The following GRM7 variants were observed in gnomAD, a reference collection of about 807,000 sequenced individuals.
The protein encoded by GRM7 is glutamate metabotropic receptor 7.
GRM7 carries 35 observed loss-of-function variants against 84.5 expected under a neutral mutation model. The ratio of observed to expected loss-of-function variants is 0.41; its 90% CI spans 0.32 to 0.55. The LOEUF is 0.55. Among genes scored for constraint, GRM7 ranks in the 20% least tolerant of loss-of-function variants. The pLI is 0.19. For missense variants in GRM7, 1,003 were observed against 1,194.6 expected (o/e 0.84, Z 2.36); for synonymous variants, 487 against 455.1 (o/e 1.07, Z -0.89).
intron 7 of GRM7, among the ~76,000 whole-genome samples, chr3:7,478,057 A>G (rs550789581): frequency 1.1e-4 from 16 of 152,212 alleles, no homozygotes; most frequent in Non-Finnish European, 2.1e-4. Context: ...AAAAGCTCCA[A>G]TAATGACCCT....
intron 2 of GRM7, among the ~76,000 whole-genome samples, chr3:7,297,653 G>C (rs917842822): frequency 1.6e-4 from 25 of 152,144 alleles, no homozygotes; most frequent in African/African-American, 5.6e-4. Context: ...GTTTGTGGAA[G>C]TCTAGAAGCT....
At chr3:7,110,619 A>ACACACAC (rs2125033266) in intron 1 of GRM7, among the ~76,000 whole-genome samples, 1 of 151,218 alleles carries the variant, frequency 6.6e-6, no homozygotes, top group Admixed American at 6.6e-5. Context: ...ACACGCACAC[A>ACACACAC]ATTATATATA....
intron 1 of GRM7, among the ~76,000 whole-genome samples, chr3:7,041,136 C>T (rs1291418328): frequency 1.2e-4 from 18 of 151,478 alleles, no homozygotes; most frequent in Non-Finnish European, 2.9e-5. Context: ...TTTTCAACCA[C>T]CTTTATCAAG....
chr3:6,875,035 A>G (rs2124949797), intron 1 of GRM7, among the ~76,000 whole-genome samples: 1 of 152,318 alleles, frequency 6.6e-6, no homozygotes, highest in African/African-American at 2.4e-5. Context: ...ATTATCCTCT[A>G]TAGCATCTAA....
rs180687376 is a variant in GRM7 at position 7,346,409 on chromosome 3, C to T, written c.1033+39757C>T. Among the ~76,000 whole-genome samples, 192 of 152,244 alleles carry T rather than the reference C, an allele frequency of 1.3e-3. 1 individual carries two copies. The highest frequency in any genetic ancestry group is 6.8e-3 in the Middle Eastern group (2 of 294). ...CTTACAAAGCTGATGGCATGAATTT[C>T]TTCTTCAGAGTTAACCTAGTTACTG... On this transcript the variant is annotated intron_variant, in intron 4 of 9. Coordinates refer to ENST00000357716, the MANE Select transcript of GRM7 (RefSeq NM_000844.4).
At chr3:7,084,258 C>T (rs1402633160) in intron 1 of GRM7, among the ~76,000 whole-genome samples, 1 of 152,048 alleles carries the variant, frequency 6.6e-6, no homozygotes, top group Non-Finnish European at 1.5e-5. Context: ...GATGGCATTT[C>T]TCAAGCATGG....
At chr3:6,979,992 G>C (rs1358986206) in intron 1 of GRM7, among the ~76,000 whole-genome samples, 1 of 151,970 alleles carries the variant, frequency 6.6e-6, no homozygotes, top group Admixed American at 6.6e-5. Flanking sequence ...GCTAATTCTT[G>C]TTGAAAAATC....
Position 6,890,346 on chromosome 3 carries a change from C to A in GRM7, c.519+28439C>A, listed in dbSNP as rs568549826. ...GTTAGGGTGTCAATTTTGGATCTTTCGTGCTTTCTCTTGAGGGCATTTAAT... is the reference window on the plus strand; with the variant it reads ...GTTAGGGTGTCAATTTTGGATCTTTAGTGCTTTCTCTTGAGGGCATTTAAT... On this transcript the variant is annotated intron_variant, in intron 1 of 9. Transcript: ENST00000357716. Among the ~76,000 whole-genome samples the A allele has an allele frequency of 2.0e-5, 3 of 152,186 alleles. No homozygotes were observed. The South Asian group carries it at 6.2e-4, about 32-fold the overall frequency.
At chr3:7,063,433 A>G (rs1244092362) in intron 1 of GRM7, among the ~76,000 whole-genome samples, 1 of 151,748 alleles carries the variant, frequency 6.6e-6, no homozygotes, top group Non-Finnish European at 1.5e-5. Context: ...TAAGCTGGAC[A>G]TGCAGAAACA....
chr3:7,121,380 TC>T (rs869135531), intron 1 of GRM7, among the ~76,000 whole-genome samples: 1 of 140,438 alleles, frequency 7.1e-6, no homozygotes, highest in Non-Finnish European at 1.5e-5. Context: ...CATCCATCCA[TC>T]CCCTCTATTC....
At chr3:7,604,128 T>A (rs1255557629) in intron 8 of GRM7, among the ~76,000 whole-genome samples, 1 of 114,360 alleles carries the variant, frequency 8.7e-6, no homozygotes, top group Non-Finnish European at 2.0e-5. Context: ...TTAGAAGGGT[T>A]TGTTCTTAAA....
chr3:7,580,342 G>C (rs941286634), intron 8 of GRM7, among the ~76,000 whole-genome samples: 5 of 152,200 alleles, frequency 3.3e-5, no homozygotes, highest in African/African-American at 1.2e-4. Flanking sequence ...GGGATAGCTT[G>C]ATTAGATGTG....
At chr3:7,666,534 C>T (rs1047725043) in intron 8 of GRM7, among the ~76,000 whole-genome samples, 1 of 152,148 alleles carries the variant, frequency 6.6e-6, no homozygotes, top group African/African-American at 2.4e-5. Context: ...TGTGGCGAAA[C>T]CAGTTGAGAT....
At chr3:7,111,272 A>T (rs542850852) in intron 1 of GRM7, among the ~76,000 whole-genome samples, 1 of 152,114 alleles carries the variant, frequency 6.6e-6, no homozygotes, top group Non-Finnish European at 1.5e-5. Flanking sequence ...ATGCATTTGA[A>T]TTGGTTACTT....
intron 1 of GRM7, among the ~76,000 whole-genome samples, chr3:7,008,567 C>T (rs986626857): frequency 2.6e-5 from 4 of 152,072 alleles, no homozygotes; most frequent in African/African-American, 9.7e-5. Flanking sequence ...CAAAAAGAAA[C>T]AAAATTTAAA....
intron 9 of GRM7, among the ~76,000 whole-genome samples, chr3:7,688,274 A>G (rs1411670549): frequency 6.6e-6 from 1 of 151,834 alleles, no homozygotes; most frequent in Non-Finnish European, 1.5e-5. Flanking sequence ...TGTAGCTAGA[A>G]TTGTCTTACT....
At chr3:7,640,433 T>G (rs1242330587) in intron 8 of GRM7, among the ~76,000 whole-genome samples, 2 of 152,238 alleles carry the variant, frequency 1.3e-5, no homozygotes, top group African/African-American at 4.8e-5. Context: ...CATGCCCACA[T>G]GCCTGGAATT....
intron 1 of GRM7, among the ~76,000 whole-genome samples, chr3:6,887,451 A>C (rs28449229): frequency 0.018 from 2,692 of 151,932 alleles, 97 homozygotes; most frequent in African/African-American, 0.06. Flanking sequence ...TCATTGTTCA[A>C]TTCCCACCTA....
chr3:7,306,461 T>A lies in GRM7; in HGVS notation c.879-37T>A, dbSNP rs182163434. On this transcript the variant is annotated intron_variant, in intron 3 of 9. Transcript: ENST00000357716. The stretch of plus-strand genomic sequence containing the variant: ...TCTACACGGATTCAGCTGACGTTCT[T>A]TATCATTAATATAACTTTCCATATT... 5.3e-4 allele frequency: 848 copies of A among 1,585,650 alleles called. 5 individuals are homozygous for A. The African/African-American group carries it at 9.8e-3, about 18-fold the overall frequency.
Sources: allele counts gnomAD v4.1 joint callset (sites outside exome capture counted in the v4.1 genomes callset), GRCh38; gene constraint gnomAD v4.1.1; transcripts MANE v1.5; gene names NCBI Gene and HGNC (gene_info 2026-07-23, HGNC 2026-07-21).